Variants in SLC24A2 observed in about 807,000 individuals in gnomAD.
The protein encoded by SLC24A2 is solute carrier family 24 member 2.
SLC24A2 carries 36 observed loss-of-function variants against 62.0 expected under a neutral mutation model. The observed-to-expected ratio is 0.58, with a 90% CI of 0.44 to 0.77. The LOEUF (loss-of-function observed/expected upper bound fraction) is 0.77, where lower values mean the gene tolerates loss of function less well. SLC24A2 is among the 30% of genes least tolerant of loss of function. The probability of loss-of-function intolerance (pLI) is 0.00; values close to 1 mark genes in which losing one functional copy is unlikely to be tolerated. For synonymous variants in SLC24A2, 358 were observed against 294.0 expected (o/e 1.22, Z -2.23); for missense variants, 846 against 817.9 (o/e 1.03, Z -0.42).
the SLC24A2 span, among the ~76,000 whole-genome samples, chr9:19,870,455 T>C: frequency 6.6e-6 from 1 of 152,194 alleles, no homozygotes; most frequent in African/African-American, 2.4e-5. Context: ...TTATGAATAA[T>C]GCTGCTATGA....
rs572283701 is a variant in SLC24A2 at position 19,663,640 on chromosome 9, G to A, written c.931-41341C>T. On this transcript the variant is annotated intron_variant, in intron 2 of 10. Coordinates refer to ENST00000341998, the MANE Select transcript of SLC24A2 (RefSeq NM_020344.4). ...GGGGTCAACTCCAGCTTTTGAGTGT[G>A]AGAAACTGCTTTACTGTGCCCTCCT... 7.2e-5 allele frequency among the ~76,000 whole-genome samples: 11 copies of A among 152,272 alleles called. No individual in the cohort carries two copies. In the East Asian group the frequency reaches 1.9e-3, roughly 27 times the overall value.
At chr9:20,024,471 C>T in the SLC24A2 span, among the ~76,000 whole-genome samples, 3 of 152,090 alleles carry the variant, frequency 2.0e-5, no homozygotes, top group African/African-American at 7.2e-5. Context: ...AGGTTACTAC[C>T]GAATTTTTGA....
chr9:19,786,969 C>T lies in SLC24A2; in HGVS notation c.-103G>A. ...TATAGTTAACGATGCTTGTGGGGTA[C>T]TTTCACAATCAGGGATTGTTATGCT... On this transcript the variant is annotated 5_prime_UTR_variant, in exon 2 of 11. Transcript: ENST00000341998. This position sits in a 1 kb window ranked among gnomAD's most constrained non-coding sequence, Gnocchi z 5.0. 6.7e-7 allele frequency: 1 copy of T among 1,500,122 alleles called. No individual in the cohort carries two copies. Among genetic ancestry groups the T allele is most frequent in the Non-Finnish European group, 8.9e-7 (1 of 1,129,930 alleles). The allele number at this position is 1,500,122 out of a possible 1,614,324, so 92.9% of individuals were successfully genotyped here. A position where few individuals can be genotyped will look rare whatever the true frequency, so the allele number is the denominator to read the frequency against.
chr9:19,874,578 T>C, the SLC24A2 span, among the ~76,000 whole-genome samples: 3 of 152,208 alleles, frequency 2.0e-5, no homozygotes, highest in Non-Finnish European at 4.4e-5. Flanking sequence ...ACCCAAATAC[T>C]TTTCAAATTT....
At chr9:19,720,325 C>G (rs1014793047) in intron 2 of SLC24A2, among the ~76,000 whole-genome samples, 16 of 152,126 alleles carry the variant, frequency 1.1e-4, no homozygotes, top group African/African-American at 3.9e-4. Context: ...AAAACCCAAC[C>G]ACACTGATCT....
the SLC24A2 span, among the ~76,000 whole-genome samples, chr9:20,024,877 G>A: frequency 0.093 from 14,071 of 152,108 alleles, 1,059 homozygotes; most frequent in East Asian, 0.41. Context: ...GTGGACATCT[G>A]TTGACTTACT....
At chr9:19,994,770 C>A in the SLC24A2 span, among the ~76,000 whole-genome samples, 1 of 152,184 alleles carries the variant, frequency 6.6e-6, no homozygotes, top group Non-Finnish European at 1.5e-5. Flanking sequence ...CAACTCTCTA[C>A]AGCACCCTGA....
intron 2 of SLC24A2, among the ~76,000 whole-genome samples, chr9:19,661,041 C>G (rs575008155): frequency 2.0e-5 from 3 of 152,282 alleles, no homozygotes; most frequent in Admixed American, 1.3e-4. Context: ...GTTGCTGCTA[C>G]AAGAGCTAGT....
At chr9:20,272,142 A>G in the SLC24A2 span, among the ~76,000 whole-genome samples, 2 of 152,242 alleles carry the variant, frequency 1.3e-5, no homozygotes, top group Non-Finnish European at 2.9e-5. Context: ...GCTGACTTGC[A>G]TAATTCGTAG....
chr9:19,870,077 T>G, the SLC24A2 span, among the ~76,000 whole-genome samples: 8,906 of 152,240 alleles, frequency 0.058, 362 homozygotes, highest in African/African-American at 0.11. Context: ...AATTCAGTCT[T>G]TTTTTAGTTT....
the SLC24A2 span, among the ~76,000 whole-genome samples, chr9:20,023,693 C>T: frequency 1.9e-3 from 283 of 152,170 alleles, 1 homozygote; most frequent in African/African-American, 6.7e-3. Flanking sequence ...TTTCATTTAC[C>T]CAGCTCTTGG....
the SLC24A2 span, among the ~76,000 whole-genome samples, chr9:19,851,698 T>C: frequency 2.1e-3 from 313 of 152,350 alleles, 2 homozygotes; most frequent in African/African-American, 6.5e-3. Context: ...ATGGTGTGTA[T>C]GTACCACATT....
intron 5 of SLC24A2, among the ~76,000 whole-genome samples, chr9:19,596,826 C>T (rs1176654559): frequency 6.6e-6 from 1 of 152,152 alleles, no homozygotes; most frequent in East Asian, 1.9e-4. Context: ...CATTCCTTTG[C>T]ATAAATCAGA....
In SLC24A2 at chr9:19,567,470, C is replaced by G. The variant is rs553601885; in HGVS notation, c.1347+5881G>C. 6.9e-5 allele frequency among the ~76,000 whole-genome samples: 10 copies of G among 143,936 alleles called. No individual in the cohort carries two copies. The South Asian group carries it at 2.2e-3, about 31-fold the overall frequency. The allele number at this position is 143,936 out of a possible 152,430, so 94.4% of individuals were successfully genotyped here. ...CTGAGGCAGGAGAATGGCGTGAACCCGGGAGGCGGAGCTTGCAGTGAGCCG... is the reference window on the plus strand; with the variant it reads ...CTGAGGCAGGAGAATGGCGTGAACCGGGGAGGCGGAGCTTGCAGTGAGCCG... On this transcript the variant is annotated intron_variant, in intron 7 of 10. Coordinates refer to ENST00000341998, the MANE Select transcript of SLC24A2 (RefSeq NM_020344.4).
intron 7 of SLC24A2, among the ~76,000 whole-genome samples, chr9:19,562,626 AAAT>A (rs1197396839): frequency 6.6e-6 from 1 of 152,184 alleles, no homozygotes; most frequent in Non-Finnish European, 1.5e-5. Flanking sequence ...TTTCCTAAAA[AAAT>A]ATGTATGTAC....
chr9:19,617,013 A>C (rs1005182064), intron 4 of SLC24A2, among the ~76,000 whole-genome samples: 1 of 152,192 alleles, frequency 6.6e-6, no homozygotes, highest in African/African-American at 2.4e-5. Flanking sequence ...AAACAGAGTG[A>C]AATTGAGTTT....
chr9:20,198,725 G>T, the SLC24A2 span, among the ~76,000 whole-genome samples: 1 of 138,190 alleles, frequency 7.2e-6, no homozygotes, highest in Non-Finnish European at 1.5e-5. Flanking sequence ...CATCCACCCC[G>T]AGGTGCCAAT....
intron 4 of SLC24A2, among the ~76,000 whole-genome samples, chr9:19,597,534 C>T (rs1203611343): frequency 6.6e-6 from 1 of 152,134 alleles, no homozygotes; most frequent in Non-Finnish European, 1.5e-5. Context: ...GTTATCTTAA[C>T]ATCCAATGAA....
At chr9:19,805,367 C>T in the SLC24A2 span, among the ~76,000 whole-genome samples, 3 of 152,126 alleles carry the variant, frequency 2.0e-5, no homozygotes, top group Non-Finnish European at 4.4e-5. Context: ...AACATAAATC[C>T]ATTAATCAAT....
Sources: allele counts gnomAD v4.1 joint callset (sites outside exome capture counted in the v4.1 genomes callset), GRCh38; gene constraint gnomAD v4.1.1; non-coding constraint Gnocchi (gnomAD v3.1); transcripts MANE v1.5; gene names NCBI Gene and HGNC (gene_info 2026-07-23, HGNC 2026-07-21).